The following PRDM16 variants were observed in gnomAD, a reference collection of about 807,000 sequenced individuals.
PRDM16 encodes histone-lysine N-methyltransferase PRDM16.
A neutral mutation model predicts 110.6 loss-of-function variants in PRDM16; 23 were observed. The ratio of observed to expected loss-of-function variants is 0.21; its 90% CI spans 0.15 to 0.29. PRDM16 has a LOEUF of 0.29. PRDM16 is among the 10% of genes least tolerant of loss of function. The probability of loss-of-function intolerance (pLI) is 1.00; values close to 1 mark genes in which losing one functional copy is unlikely to be tolerated. For synonymous variants in PRDM16, 799 were observed against 781.8 expected (o/e 1.02, Z -0.37); for missense variants, 1,615 against 1,794.3 (o/e 0.90, Z 1.81).
intron 3 of PRDM16, among the ~76,000 whole-genome samples, chr1:3,364,699 G>T (rs943821064): frequency 6.6e-6 from 1 of 152,230 alleles, no homozygotes; most frequent in Non-Finnish European, 1.5e-5. Context: ...TCAGCTGCGC[G>T]GGGGACAGGC....
At chr1:3,118,176 A>G (rs1643011200) in intron 1 of PRDM16, among the ~76,000 whole-genome samples, 1 of 151,652 alleles carries the variant, frequency 6.6e-6, no homozygotes, top group African/African-American at 2.4e-5. Context: ...GTGTTTGGAA[A>G]GATTGTGTGT....
chr1:3,335,668 C>A (rs531732659), intron 3 of PRDM16, among the ~76,000 whole-genome samples: 8 of 148,948 alleles, frequency 5.4e-5, no homozygotes, highest in South Asian at 2.1e-4. Flanking sequence ...TGCAAATAAA[C>A]TTTCCAAAGA....
At chr1:3,114,222 C>CAG (rs1275744246) in intron 1 of PRDM16, among the ~76,000 whole-genome samples, 1 of 121,378 alleles carries the variant, frequency 8.2e-6, no homozygotes, top group African/African-American at 3.1e-5. Context: ...CACACGAACA[C>CAG]ACACGCACAC....
chr1:3,181,573 TACAC>T (rs1326482221), intron 1 of PRDM16, among the ~76,000 whole-genome samples: 4 of 123,746 alleles, frequency 3.2e-5, no homozygotes, highest in East Asian at 2.8e-4. Context: ...CACGCAGTCT[TACAC>T]ACGGTCTTAC....
At chr1:3,351,283 C>G (rs896752204) in intron 3 of PRDM16, among the ~76,000 whole-genome samples, 2 of 152,094 alleles carry the variant, frequency 1.3e-5, no homozygotes, top group Non-Finnish European at 1.5e-5. Flanking sequence ...CTCTGTTTGG[C>G]ACAGGCATTT....
intron 2 of PRDM16, among the ~76,000 whole-genome samples, chr1:3,215,151 G>A (rs1638989525): frequency 6.6e-6 from 1 of 152,212 alleles, no homozygotes; most frequent in African/African-American, 2.4e-5. Flanking sequence ...TGGATAGCCT[G>A]GGTTGAGGAT....
At chr1:3,261,674 C>G (rs1244781232) in intron 3 of PRDM16, among the ~76,000 whole-genome samples, 1 of 152,160 alleles carries the variant, frequency 6.6e-6, no homozygotes, top group African/African-American at 2.4e-5. Flanking sequence ...TGGGGGAGAC[C>G]TGCCCAGATA....
intron 3 of PRDM16, among the ~76,000 whole-genome samples, chr1:3,348,742 C>T (rs765427568): frequency 7.2e-5 from 11 of 152,250 alleles, no homozygotes; most frequent in Admixed American, 2.0e-4. Context: ...CTCCCCTCTG[C>T]CCTTGGGGAC....
chr1:3,292,696 G>A (rs989698722), intron 3 of PRDM16, among the ~76,000 whole-genome samples: 3 of 152,230 alleles, frequency 2.0e-5, no homozygotes, highest in Non-Finnish European at 2.9e-5. Context: ...TGGGGTGGAG[G>A]TTTGGGGGTG....
intron 1 of PRDM16, among the ~76,000 whole-genome samples, chr1:3,181,912 GCA>G (rs1344543261): frequency 9.5e-6 from 1 of 105,560 alleles, no homozygotes; most frequent in African/African-American, 3.2e-5. Context: ...TCTTACACAC[GCA>G]GTCTTACACA....
At chr1:3,406,433 G>A (rs1643562803) in intron 8 of PRDM16, among the ~76,000 whole-genome samples, 1 of 152,096 alleles carries the variant, frequency 6.6e-6, no homozygotes, top group Non-Finnish European at 1.5e-5. Flanking sequence ...GAGTGAGTGA[G>A]CGGAGTGAGA....
At chr1:3,124,757 C>T (rs1643169057) in intron 1 of PRDM16, among the ~76,000 whole-genome samples, 1 of 152,196 alleles carries the variant, frequency 6.6e-6, no homozygotes, top group Admixed American at 6.5e-5. Context: ...TAAGGTGGGC[C>T]CCAGCAGGAT....
chr1:3,373,637 C>T (rs950344917), intron 3 of PRDM16, among the ~76,000 whole-genome samples: 2 of 152,222 alleles, frequency 1.3e-5, no homozygotes, highest in Non-Finnish European at 2.9e-5. Context: ...TCCCTGCAGG[C>T]AGGACAGACG....
At position 3,435,840 on chromosome 1, in the gene PRDM16, C is replaced by T. The variant is rs977516718; in HGVS notation, c.*2029C>T. The stretch of plus-strand genomic sequence containing the variant: ...GGAGGCTCCTGCAGGAGGCTCAACC[C>T]GACGGATCACAGTGAAAGGGATTCC... On this transcript the variant is annotated 3_prime_UTR_variant, in exon 17 of 17. Coordinates refer to ENST00000270722, the MANE Select transcript of PRDM16 (RefSeq NM_022114.4). 4.3e-6 allele frequency: 1 copy of T among 232,106 alleles called. No individual in the cohort carries two copies. The highest frequency in any genetic ancestry group is 8.5e-6 in the Non-Finnish European group (1 of 117,414). 14.4% of individuals were successfully genotyped at this position (232,106 alleles called of 1,614,324 possible).
intron 2 of PRDM16, among the ~76,000 whole-genome samples, chr1:3,199,682 T>A (rs955064163): frequency 1.4e-4 from 21 of 152,092 alleles, no homozygotes; most frequent in African/African-American, 5.1e-4. Context: ...CTCTAGTGCA[T>A]GAAGAATCGC....
In PRDM16 at chr1:3,413,257, G is replaced by A. The variant is rs992949039; in HGVS notation, c.2603+457G>A. Among the ~76,000 whole-genome samples the A allele has an allele frequency of 2.0e-5, 3 of 151,964 alleles. No individual in the cohort carries two copies. In the East Asian group the frequency reaches 5.8e-4, roughly 29 times the overall value. On this transcript the variant is annotated intron_variant, in intron 9 of 16. Coordinates refer to ENST00000270722, the MANE Select transcript of PRDM16 (RefSeq NM_022114.4). ...GAGTGCTTCCTGCCCCTCCTGGTGC[G>A]CTCCTGCCCCTGGAGCCACAGCGGC... is the stretch of plus-strand genomic sequence containing the variant.
chr1:3,135,561 T>C (rs1643420466), intron 1 of PRDM16, among the ~76,000 whole-genome samples: 1 of 151,700 alleles, frequency 6.6e-6, no homozygotes, highest in Non-Finnish European at 1.5e-5. Flanking sequence ...GACCGAGCCC[T>C]CCCCCTCCGT....
Position 3,346,901 on chromosome 1 carries a change from G to A in PRDM16, c.439-38251G>A, listed in dbSNP as rs374995176. Among the ~76,000 whole-genome samples the A allele has an allele frequency of 2.3e-4, 35 of 152,354 alleles. No individual in the cohort carries two copies. In the South Asian group the frequency reaches 5.6e-3, roughly 24 times the overall value. ...TAACACTGTTCACCGGTGCTCTGCC[G>A]CTCCCCTTTCGTGCTTCCATCTGTA... On this transcript the variant is annotated intron_variant, in intron 3 of 16. Coordinates refer to ENST00000270722, the MANE Select transcript of PRDM16 (RefSeq NM_022114.4).
At chr1:3,286,341 C>T (rs182316716) in intron 3 of PRDM16, among the ~76,000 whole-genome samples, 6 of 152,356 alleles carry the variant, frequency 3.9e-5, no homozygotes, top group Non-Finnish European at 5.9e-5. Flanking sequence ...GAGAGCACAG[C>T]GTCCCCACAG....
Sources: allele counts gnomAD v4.1 joint callset (sites outside exome capture counted in the v4.1 genomes callset), GRCh38; gene constraint gnomAD v4.1.1; transcripts MANE v1.5; gene names NCBI Gene and HGNC (gene_info 2026-07-23, HGNC 2026-07-21).